Variants in FOXN3 observed in about 807,000 individuals in gnomAD.
FOXN3 encodes forkhead box N3.
FOXN3 carries 7 observed loss-of-function variants against 38.4 expected under a neutral mutation model. The ratio of observed to expected loss-of-function variants is 0.18; its 90% CI spans 0.10 to 0.34. The LOEUF (loss-of-function observed/expected upper bound fraction) is 0.34. Among genes scored for constraint, FOXN3 ranks in the 10% least tolerant of loss-of-function variants. The probability of loss-of-function intolerance (pLI) is 1.00; values close to 1 mark genes in which losing one functional copy is unlikely to be tolerated. For synonymous variants in FOXN3, 230 were observed against 242.2 expected (o/e 0.95, Z 0.47); for missense variants, 456 against 613.4 (o/e 0.74, Z 2.71).
intron 2 of FOXN3, among the ~76,000 whole-genome samples, chr14:89,404,504 CAAAAAAAA>C (rs71130075): frequency 1.1e-4 from 7 of 61,036 alleles, no homozygotes; most frequent in Non-Finnish European, 1.7e-4. Context: ...GACTCTGTCT[CAAAAAAAA>C]AAAAAAAAAA....
rs1887039499 is a variant in FOXN3 at position 89,158,977 on chromosome 14, G to C, written c.*3437C>G. ...ACGCCACACCTCTTAATGGTGTTCA[G>C]GCGATCTGTCAGACTAATGGATACA... On this transcript the variant is annotated 3_prime_UTR_variant, in exon 6 of 6. Transcript: ENST00000557258. The C allele has an allele frequency of 6.6e-6, 1 of 152,392 alleles. No individual in the cohort carries two copies. Among genetic ancestry groups the C allele is most frequent in the Non-Finnish European group, 1.5e-5 (1 of 68,028 alleles). The allele number at this position is 152,392 out of a possible 1,614,324, so 9.4% of individuals were successfully genotyped here.
rs76340738 is a variant in FOXN3 at position 89,332,648 on chromosome 14, G to A, written c.680+18024C>T. Among the ~76,000 whole-genome samples, 592 of 152,306 alleles carry A rather than the reference G, an allele frequency of 3.9e-3. 5 individuals carry two copies. The highest frequency in any genetic ancestry group is 0.013 in the African/African-American group (541 of 41,574). The stretch of plus-strand genomic sequence containing the variant: ...AAAACTCCATGACATTGGTCTTGGC[G>A]ATGATTTTTTGGATACGACACCAAA... On this transcript the variant is annotated intron_variant, in intron 3 of 5. Transcript: ENST00000557258.
intron 3 of FOXN3, among the ~76,000 whole-genome samples, chr14:89,346,490 A>T (rs991264293): frequency 2.6e-5 from 4 of 152,188 alleles, no homozygotes; most frequent in African/African-American, 9.6e-5. Flanking sequence ...GCTGAAGGAC[A>T]AAATCATTGT....
intron 1 of FOXN3, among the ~76,000 whole-genome samples, chr14:89,505,544 C>G (rs1241432851): frequency 2.0e-5 from 3 of 152,160 alleles, no homozygotes; most frequent in Non-Finnish European, 4.4e-5. Flanking sequence ...CCCGAGGTGC[C>G]GGGATGGCAG....
chr14:89,282,326 C>T (rs189574669), intron 3 of FOXN3, among the ~76,000 whole-genome samples: 7 of 152,260 alleles, frequency 4.6e-5, no homozygotes, highest in Admixed American at 2.6e-4. Flanking sequence ...ATGAGCATCA[C>T]GCATCTCAGC....
intron 2 of FOXN3, among the ~76,000 whole-genome samples, chr14:89,375,680 G>A (rs970387529): frequency 6.6e-6 from 1 of 152,222 alleles, no homozygotes; most frequent in African/African-American, 2.4e-5. Flanking sequence ...AACATTAAAT[G>A]TGAATTGGCA....
intron 4 of FOXN3, among the ~76,000 whole-genome samples, chr14:89,207,093 C>G (rs1596103305): frequency 6.6e-6 from 1 of 152,042 alleles, no homozygotes; most frequent in African/African-American, 2.4e-5. Context: ...TGGTAGCAGG[C>G]ACCTGTAATC....
intron 4 of FOXN3, among the ~76,000 whole-genome samples, chr14:89,258,798 G>T (rs998955532): frequency 6.6e-6 from 1 of 152,150 alleles, no homozygotes; most frequent in Non-Finnish European, 1.5e-5. Flanking sequence ...GAGTATGAAG[G>T]TTCTCCCTTG....
chr14:89,436,661 A>G (rs1279819583), intron 1 of FOXN3, among the ~76,000 whole-genome samples: 1 of 152,206 alleles, frequency 6.6e-6, no homozygotes, highest in Non-Finnish European at 1.5e-5. Flanking sequence ...GTCACTTACA[A>G]TCAAAACATC....
intron 1 of FOXN3, among the ~76,000 whole-genome samples, chr14:89,566,819 C>T (rs1895362170): frequency 6.6e-6 from 1 of 151,600 alleles, no homozygotes; most frequent in Non-Finnish European, 1.5e-5. Context: ...CTCCTCATCC[C>T]CTACTCCCTT....
At chr14:89,378,266 G>C (rs547790925) in intron 2 of FOXN3, among the ~76,000 whole-genome samples, 3 of 152,162 alleles carry the variant, frequency 2.0e-5, no homozygotes, top group Non-Finnish European at 4.4e-5. Flanking sequence ...GCATGTAGGG[G>C]GTGGGAGCTA....
chr14:89,565,832 A>G (rs928724232), intron 1 of FOXN3, among the ~76,000 whole-genome samples: 1 of 152,240 alleles, frequency 6.6e-6, no homozygotes, highest in African/African-American at 2.4e-5. Context: ...CTCATGCCAC[A>G]GCAACTTAAC....
chr14:89,379,512 T>G (rs1305840693), intron 2 of FOXN3, among the ~76,000 whole-genome samples: 1 of 152,136 alleles, frequency 6.6e-6, no homozygotes, highest in African/African-American at 2.4e-5. Context: ...CCTTGGCAAG[T>G]GTGCCCTGGG....
At chr14:89,265,399 G>A (rs939223566) in intron 4 of FOXN3, among the ~76,000 whole-genome samples, 3 of 152,164 alleles carry the variant, frequency 2.0e-5, no homozygotes, top group African/African-American at 7.2e-5. Flanking sequence ...ACAAACAGCA[G>A]CTTTGAATCT....
At chr14:89,396,448 A>G (rs1465148519) in intron 2 of FOXN3, among the ~76,000 whole-genome samples, 3 of 152,240 alleles carry the variant, frequency 2.0e-5, no homozygotes, top group Admixed American at 2.0e-4. Flanking sequence ...AACCAAGATC[A>G]TCTTCCAGGA....
intron 4 of FOXN3, among the ~76,000 whole-genome samples, chr14:89,242,869 G>A (rs894961304): frequency 4.6e-5 from 7 of 152,172 alleles, no homozygotes; most frequent in Admixed American, 1.3e-4. Context: ...AAACACTCTC[G>A]TGAAAGAGCT....
At chr14:89,173,945 A>T (rs1887455094) in intron 5 of FOXN3, among the ~76,000 whole-genome samples, 1 of 152,164 alleles carries the variant, frequency 6.6e-6, no homozygotes, top group African/African-American at 2.4e-5. Context: ...GTGAGCCGTG[A>T]TTGTGCCACT....
At chr14:89,276,837 A>G (rs1886314414) in intron 4 of FOXN3, among the ~76,000 whole-genome samples, 1 of 152,258 alleles carries the variant, frequency 6.6e-6, no homozygotes, top group Non-Finnish European at 1.5e-5. Context: ...TCTGAGGCCA[A>G]CAGGGCCTAC....
chr14:89,300,261 C>T (rs577570237), intron 3 of FOXN3, among the ~76,000 whole-genome samples: 6 of 146,778 alleles, frequency 4.1e-5, no homozygotes, highest in Non-Finnish European at 8.9e-5. Flanking sequence ...TGGCTCATTG[C>T]AACCTCTACC....
Sources: allele counts gnomAD v4.1 joint callset (sites outside exome capture counted in the v4.1 genomes callset), GRCh38; gene constraint gnomAD v4.1.1; transcripts MANE v1.5; gene names NCBI Gene and HGNC (gene_info 2026-07-23, HGNC 2026-07-21).